The following TFDP2 variants were observed in gnomAD, a reference collection of about 807,000 sequenced individuals.
TFDP2 encodes the protein transcription factor Dp-2 (E2F dimerization partner 2).
In TFDP2, 17 loss-of-function variants were observed where a neutral mutation model predicts 59.3. The ratio of observed to expected loss-of-function variants is 0.29; its 90% confidence interval spans 0.20 to 0.43. The LOEUF (loss-of-function observed/expected upper bound fraction) is 0.43, where lower values mean the gene tolerates loss of function less well. Among genes scored for constraint, TFDP2 ranks in the 20% least tolerant of loss-of-function variants. The pLI is 1.00. For synonymous variants in TFDP2, 180 were observed against 194.7 expected, an observed-to-expected ratio of 0.92 and a Z score of 0.63; for missense variants, 391 against 528.8, an observed-to-expected ratio of 0.74 and a Z score of 2.56.
At chr3:142,043,296 C>T (rs1316256778) in intron 3 of TFDP2, among the ~76,000 whole-genome samples, 1 of 151,824 alleles carries the variant, frequency 6.6e-6, no homozygotes, top group Non-Finnish European at 1.5e-5. Context: ...ATCCACCCAC[C>T]TCGGCCTCCC....
At chr3:142,071,782 C>T (rs1445533708) in intron 3 of TFDP2, among the ~76,000 whole-genome samples, 1 of 152,088 alleles carries the variant, frequency 6.6e-6, no homozygotes, top group African/African-American at 2.4e-5. Flanking sequence ...CTGTTTCTGG[C>T]TGGGATAAAG....
chr3:142,057,432 T>C (rs1477924138), intron 3 of TFDP2, among the ~76,000 whole-genome samples: 1 of 152,222 alleles, frequency 6.6e-6, no homozygotes, highest in East Asian at 1.9e-4. Flanking sequence ...CGATTTCATG[T>C]GTGCTAAGAA....
intron 6 of TFDP2, among the ~76,000 whole-genome samples, chr3:141,980,241 A>G (rs1357404016): frequency 6.0e-5 from 9 of 150,268 alleles, no homozygotes; most frequent in Non-Finnish European, 1.2e-4. Context: ...TCAAAAGTAA[A>G]AAAAAAAAAA....
intron 1 of TFDP2, among the ~76,000 whole-genome samples, chr3:142,141,531 C>A (rs2062964378): frequency 6.6e-6 from 1 of 152,102 alleles, no homozygotes; most frequent in South Asian, 2.1e-4. Flanking sequence ...CTTTTAAAGT[C>A]AAAAGAACAT....
chr3:142,103,667 G>A (rs984130394), intron 1 of TFDP2, among the ~76,000 whole-genome samples: 2 of 152,076 alleles, frequency 1.3e-5, no homozygotes, highest in African/African-American at 4.8e-5. Flanking sequence ...TGGGTGAAGG[G>A]CATCTGGGAG....
At chr3:142,112,403 T>A (rs1043216519) in intron 1 of TFDP2, among the ~76,000 whole-genome samples, 1 of 152,230 alleles carries the variant, frequency 6.6e-6, no homozygotes, top group African/African-American at 2.4e-5. Flanking sequence ...CACAAAACCA[T>A]GTACTAGTTA....
At chr3:141,964,563 GATTGTT>G (rs557702334) in intron 9 of TFDP2, among the ~76,000 whole-genome samples, 3 of 152,080 alleles carry the variant, frequency 2.0e-5, no homozygotes, top group Non-Finnish European at 4.4e-5. Context: ...GAGGTGGGAG[GATTGTT>G]TGAATCCAGG....
At chr3:142,076,455 T>C (rs1014455191) in intron 3 of TFDP2, among the ~76,000 whole-genome samples, 2 of 152,142 alleles carry the variant, frequency 1.3e-5, no homozygotes, top group East Asian at 3.8e-4. Flanking sequence ...CATATGACTA[T>C]TAAAATATTT....
At chr3:142,071,889 A>G (rs1037183658) in intron 3 of TFDP2, among the ~76,000 whole-genome samples, 1 of 152,208 alleles carries the variant, frequency 6.6e-6, no homozygotes, top group African/African-American at 2.4e-5. Context: ...ATTCAAATGA[A>G]GGTACCCAAT....
intron 3 of TFDP2, among the ~76,000 whole-genome samples, chr3:142,071,454 G>A (rs1039883232): frequency 5.3e-5 from 8 of 152,136 alleles, no homozygotes; most frequent in Non-Finnish European, 4.4e-5. Context: ...CACCGCACCC[G>A]GCCATAAAGG....
Position 142,135,259 on chromosome 3 carries a change from T to A in TFDP2, c.-93+13924A>T, listed in dbSNP as rs571473811. ...TAGCTGGGACTATAGGCTGTGCCAC[T>A]GTGCCCAGAACTATTATGTTTTTAT... On this transcript the variant is annotated intron_variant, in intron 1 of 12. Transcript: ENST00000489671. 3.9e-5 allele frequency among the ~76,000 whole-genome samples: 6 copies of A among 152,200 alleles called. No homozygotes were observed. The East Asian group carries it at 1.2e-3, about 29-fold the overall frequency.
At position 141,959,683 on chromosome 3, in the gene TFDP2, A is replaced by T; in HGVS notation, c.1042T>A (p.Tyr348Asn). ...GCATCAGTTAACATACCTGTGATATAACCTTCTAAAGCCTTTGGCACCAGG... is the reference window on the plus strand; with the variant it reads ...GCATCAGTTAACATACCTGTGATATTACCTTCTAAAGCCTTTGGCACCAGG... Reference protein sequence around the residue: ...KSLVPKALEGYITDISTGPSW... With the variant: ...KSLVPKALEGNITDISTGPSW... Residue 348 changes from tyrosine (Y) to asparagine (N), a missense_variant, in exon 11 of 13, where the codon TAT (tyrosine) becomes AAT (asparagine). By Grantham distance (143) the Tyr-to-Asn change is moderately radical. Transcript: ENST00000489671. 1 of 1,614,104 alleles carries T rather than the reference A, an allele frequency of 6.2e-7. No individual in the cohort carries two copies. The highest frequency in any genetic ancestry group is 8.5e-7 in the Non-Finnish European group (1 of 1,179,974).
At chr3:142,000,503 T>A in intron 4 of TFDP2, 1 of 457,458 alleles carries the variant, frequency 2.2e-6, no homozygotes, top group Non-Finnish European at 3.9e-6. Context: ...GGTTTCAACA[T>A]GAATTTTTGG....
At chr3:141,981,576 T>C (rs1941490750) in intron 6 of TFDP2, among the ~76,000 whole-genome samples, 1 of 152,244 alleles carries the variant, frequency 6.6e-6, no homozygotes, top group East Asian at 1.9e-4. Flanking sequence ...TGTGATAGTA[T>C]AGGACAGCAT....
In TFDP2 at chr3:142,085,946, G is replaced by A. The variant is rs759462409; in HGVS notation, c.82+7115C>T. Among the ~76,000 whole-genome samples, 29 of 152,306 alleles carry A rather than the reference G, an allele frequency of 1.9e-4. No homozygotes were observed. In the East Asian group the frequency reaches 4.4e-3, roughly 23 times the overall value. On this transcript the variant is annotated intron_variant, in intron 3 of 12. Coordinates refer to ENST00000489671, the MANE Select transcript of TFDP2 (RefSeq NM_001178139.2). ...CTACCTTGATTAGTACCTTGCCTCTGACTGAGGTGACCAAACCTCAGTCAC... is the reference window on the plus strand; with the variant it reads ...CTACCTTGATTAGTACCTTGCCTCTAACTGAGGTGACCAAACCTCAGTCAC...
chr3:142,067,413 T>A (rs2060108303), intron 3 of TFDP2, among the ~76,000 whole-genome samples: 1 of 151,524 alleles, frequency 6.6e-6, no homozygotes, highest in East Asian at 1.9e-4. Context: ...CCAATAAATA[T>A]ATATATATAT....
Position 142,101,815 on chromosome 3 carries a change from T to C in TFDP2, c.-66A>G. ...AAAAATAAAAAGAAAAAAACCTTCGTCTTCAATAATTCTTTAAAAGAACAA... is the reference window on the plus strand; with the variant it reads ...AAAAATAAAAAGAAAAAAACCTTCGCCTTCAATAATTCTTTAAAAGAACAA... On this transcript the variant is annotated 5_prime_UTR_variant, in exon 2 of 13. Transcript: ENST00000489671. The C allele has an allele frequency of 1.0e-6, 1 of 962,002 alleles. No individual in the cohort carries two copies. Among genetic ancestry groups the C allele is most frequent in the Non-Finnish European group, 1.4e-6 (1 of 691,522 alleles). The allele number at this position is 962,002 out of a possible 1,614,324, so 59.6% of individuals were successfully genotyped here.
chr3:141,980,216 T>A (rs1941321597), intron 6 of TFDP2, among the ~76,000 whole-genome samples: 1 of 148,440 alleles, frequency 6.7e-6, no homozygotes, highest in African/African-American at 2.5e-5. Context: ...CGTCTCAGTG[T>A]TCAACAAAAA....
At chr3:142,008,187 G>A (rs899705234) in intron 3 of TFDP2, among the ~76,000 whole-genome samples, 3 of 151,882 alleles carry the variant, frequency 2.0e-5, no homozygotes, top group Non-Finnish European at 4.4e-5. Flanking sequence ...TGGGCATCGG[G>A]CCATTAAATG....
Sources: allele counts gnomAD v4.1 joint callset (sites outside exome capture counted in the v4.1 genomes callset), GRCh38; gene constraint gnomAD v4.1.1; transcripts MANE v1.5; gene names NCBI Gene and HGNC (gene_info 2026-07-23, HGNC 2026-07-21).